Variants in GNPTAB observed in about 807,000 individuals in gnomAD.
GNPTAB encodes the protein N-acetylglucosamine-1-phosphotransferase subunits alpha/beta.
A neutral mutation model predicts 136.6 loss-of-function variants in GNPTAB; 92 were observed. That is an observed-to-expected ratio of 0.67 (90% CI 0.57 to 0.80). The LOEUF is 0.80. Ranked by LOEUF, GNPTAB falls within the 30% of genes least tolerant of loss-of-function variation. The pLI is 0.00. For missense variants in GNPTAB, 1,343 were observed against 1,501.8 expected (o/e 0.89, Z 1.75); for synonymous variants, 512 against 535.1 (o/e 0.96, Z 0.60).
chr12:101,789,925 A>C lies in GNPTAB; in HGVS notation c.323+13T>G. ...CATTACCCATCTGATGTGAAAAAAA[A>C]AATCAGTTTTACCTCATTGCTTTCT... On this transcript the variant is annotated intron_variant, in intron 3 of 20. Coordinates refer to ENST00000299314, the MANE Select transcript of GNPTAB (RefSeq NM_024312.5). The C allele has an allele frequency of 1.9e-6, 3 of 1,613,918 alleles. No individual in the cohort carries two copies. Among genetic ancestry groups the C allele is most frequent in the Non-Finnish European group, 2.5e-6 (3 of 1,179,834 alleles).
chr12:101,753,383 C>G lies in GNPTAB; in HGVS notation c.3591G>C (p.Glu1197Asp). Reference protein sequence around the residue: ...EYRNRFLHMHELQEWRAYRDK... With the variant: ...EYRNRFLHMHDLQEWRAYRDK... Reference sequence around the variant, plus strand: ...ACATGAGAATTTACCATTCCTGCAGCTCATGCATATGAAGGAAACGGTTTC... The same window carrying G: ...ACATGAGAATTTACCATTCCTGCAGGTCATGCATATGAAGGAAACGGTTTC... The change falls in exon 19 of 21, where the codon GAG becomes GAC. Residue 1197 changes from glutamate (E) to aspartate (D), a missense_variant. Coordinates refer to ENST00000299314, the MANE Select transcript of GNPTAB (RefSeq NM_024312.5). The G allele has an allele frequency of 6.2e-7, 1 of 1,613,586 alleles. No individual in the cohort carries two copies. The highest frequency in any genetic ancestry group is 8.5e-7 in the Non-Finnish European group (1 of 1,179,520).
chr12:101,816,804 T>A (rs1270356137), intron 1 of GNPTAB, among the ~76,000 whole-genome samples: 1 of 152,210 alleles, frequency 6.6e-6, no homozygotes, highest in Non-Finnish European at 1.5e-5. Context: ...TAAGTGTCCA[T>A]CAATGGATGA....
chr12:101,774,980 G>C (rs1427148332), intron 7 of GNPTAB, among the ~76,000 whole-genome samples: 7 of 152,202 alleles, frequency 4.6e-5, no homozygotes, highest in Non-Finnish European at 8.8e-5. Flanking sequence ...GCTGCGTCAA[G>C]TTGTCTAAAC....
At chr12:101,828,403 C>T (rs756906505) in intron 1 of GNPTAB, among the ~76,000 whole-genome samples, 5 of 152,178 alleles carry the variant, frequency 3.3e-5, no homozygotes, top group Non-Finnish European at 2.9e-5. Context: ...TGGTGGCTCA[C>T]GCCTGTAATC....
At chr12:101,821,918 T>A (rs1870820964) in intron 1 of GNPTAB, among the ~76,000 whole-genome samples, 1 of 152,046 alleles carries the variant, frequency 6.6e-6, no homozygotes. Context: ...CAGCAGAAGG[T>A]CACCCTGGGC....
intron 12 of GNPTAB, 42 bp downstream of exon 12, chr12:101,766,049 T>C (rs763190935): frequency 4.6e-6 from 7 of 1,519,118 alleles, no homozygotes; most frequent in Non-Finnish European, 6.4e-6. Context: ...CTGTCAAGGA[T>C]GTTTTATGCT....
In GNPTAB at chr12:101,745,659, C is replaced by T. The variant is rs1952722389; in HGVS notation, c.*1505G>A. 1 of 152,198 alleles carries T rather than the reference C, an allele frequency of 6.6e-6. No individual in the cohort carries two copies. Among genetic ancestry groups the T allele is most frequent in the East Asian group, 1.9e-4 (1 of 5,206 alleles). The allele number at this position is 152,198 out of a possible 1,614,324, so 9.4% of individuals were successfully genotyped here. Reference sequence around the variant, plus strand: ...TGATCTAAAATACCTGTCAGAGTTACTCATGGAATCTGCTCTTCACAAATC... The same window carrying T: ...TGATCTAAAATACCTGTCAGAGTTATTCATGGAATCTGCTCTTCACAAATC... On this transcript the variant is annotated 3_prime_UTR_variant, in exon 21 of 21. Transcript: ENST00000299314.
At chr12:101,789,867 G>T in intron 3 of GNPTAB, 71 bp downstream of exon 3, 1 of 1,375,164 alleles carries the variant, frequency 7.3e-7, no homozygotes, top group Non-Finnish European at 1.0e-6. Flanking sequence ...TCATATGTGA[G>T]ATGTGCCACC....
In GNPTAB at chr12:101,764,668, T is replaced by C. The variant is rs1953058381; in HGVS notation, c.2249A>G (p.Asn750Ser). 1.9e-6 allele frequency: 3 copies of C among 1,612,716 alleles called. No homozygotes were observed. In the African/African-American group the frequency reaches 4.0e-5, roughly 22 times the overall value. ...LMNSQHAKIK[N>S]QAIITDETND... The stretch of plus-strand genomic sequence containing the variant: ...TGTTTCATCTGTTATTATAGCTTGA[T>C]TTTTTATTTTAGCATGCTGTGAGTT... Residue 750 changes from asparagine (N) to serine (S), a missense_variant, in exon 13 of 21, where the codon AAT becomes AGT. Physicochemically the swap from Asn to Ser is conservative, Grantham distance 46. Coordinates refer to ENST00000299314, the MANE Select transcript of GNPTAB (RefSeq NM_024312.5).
chr12:101,805,449 GTCA>G (rs1247313210), intron 1 of GNPTAB, among the ~76,000 whole-genome samples: 1 of 152,162 alleles, frequency 6.6e-6, no homozygotes, highest in Non-Finnish European at 1.5e-5. Context: ...GTGCAGTGGC[GTCA>G]TCAAGGTTCA....
chr12:101,762,533 G>A (rs971296169), intron 13 of GNPTAB, among the ~76,000 whole-genome samples: 3 of 152,138 alleles, frequency 2.0e-5, no homozygotes, highest in Non-Finnish European at 4.4e-5. Flanking sequence ...AGAATTCACT[G>A]CAACACTATT....
intron 2 of GNPTAB, chr12:101,796,476 C>T (rs1869296053): frequency 1.6e-6 from 1 of 618,980 alleles, no homozygotes; most frequent in Non-Finnish European, 2.9e-6. Context: ...CACTAATCTT[C>T]TCTGTATCGT....
rs12322848 is a variant in GNPTAB, at chr12:101,790,078, C to G, written c.204-21G>C. The G allele has an allele frequency of 6.9e-4, 1,114 of 1,614,086 alleles. 5 individuals are homozygous for G. In the African/African-American group the frequency reaches 0.014, roughly 20 times the overall value. ...AAAGCCTAGGGCAAACCAACAAATC[C>G]TCCAGCTTAAATGCATTTTTCCAAT... On this transcript the variant is annotated intron_variant, in intron 2 of 20. Transcript: ENST00000299314.
chr12:101,770,079 ACAT>A lies in GNPTAB; in HGVS notation c.1223_1225del (p.Asp408del). On this transcript the variant is annotated inframe_deletion, in exon 10 of 21. Coordinates refer to ENST00000299314, the MANE Select transcript of GNPTAB (RefSeq NM_024312.5). Reference sequence around the variant, plus strand: ...TGGCCAGACATCCTTCCCAAACATGACATCATCATTTAGGTAAATAAACTTCTG... The same window carrying A: ...TGGCCAGACATCCTTCCCAAACATGACATCATTTAGGTAAATAAACTTCTG... The A allele has an allele frequency of 6.2e-7, 1 of 1,614,158 alleles. No individual in the cohort carries two copies. The highest frequency in any genetic ancestry group is 8.5e-7 in the Non-Finnish European group (1 of 1,180,012).
chr12:101,750,130 G>C (rs543540569), intron 19 of GNPTAB, among the ~76,000 whole-genome samples: 22 of 152,278 alleles, frequency 1.4e-4, no homozygotes, highest in African/African-American at 5.3e-4. Flanking sequence ...GAATACTGAG[G>C]ATAAAAAGAG....
chr12:101,750,772 C>A (rs921832388), intron 19 of GNPTAB, among the ~76,000 whole-genome samples: 2 of 152,180 alleles, frequency 1.3e-5, no homozygotes, highest in Non-Finnish European at 2.9e-5. Context: ...ATAAAGATAG[C>A]AGCAATATTC....
At chr12:101,788,986 A>C (rs1423166763) in intron 3 of GNPTAB, among the ~76,000 whole-genome samples, 1 of 152,276 alleles carries the variant, frequency 6.6e-6, no homozygotes, top group African/African-American at 2.4e-5. Context: ...AAAAAGTACC[A>C]AAGTTTCTAA....
At chr12:101,808,166 A>G (rs543182342) in intron 1 of GNPTAB, among the ~76,000 whole-genome samples, 1 of 152,324 alleles carries the variant, frequency 6.6e-6, no homozygotes, top group South Asian at 2.1e-4. Context: ...AAGGCTCAAT[A>G]TTGTTAAGAT....
At chr12:101,784,544 ATG>A (rs1355581454) in intron 5 of GNPTAB, among the ~76,000 whole-genome samples, 2 of 152,198 alleles carry the variant, frequency 1.3e-5, no homozygotes, top group African/African-American at 4.8e-5. Context: ...TTTCAGATTT[ATG>A]TGAGACCTGT....
Sources: gnomAD v4.1 joint callset for allele counts (sites outside exome capture counted in the v4.1 genomes callset) on GRCh38, gnomAD v4.1.1 for gene constraint, MANE v1.5 for transcripts, NCBI Gene and HGNC (gene_info 2026-07-23, HGNC 2026-07-21) for gene names.